The following NCOA2 variants were observed in gnomAD, a reference collection of about 807,000 sequenced individuals.
NCOA2 encodes the protein class E basic helix-loop-helix protein 75.
Under a neutral mutation model 145.1 loss-of-function variants are expected in NCOA2, and 21 were observed. The ratio of observed to expected loss-of-function variants is 0.14; its 90% confidence interval spans 0.10 to 0.21. The LOEUF is 0.21. NCOA2 is among the 10% of genes least tolerant of loss of function. The probability of loss-of-function intolerance (pLI) is 1.00; values close to 1 mark genes in which losing one functional copy is unlikely to be tolerated. For missense variants in NCOA2, 1,472 were observed against 1,837.6 expected, an observed-to-expected ratio of 0.80 and a Z score of 3.64; for synonymous variants, 619 against 637.5, an observed-to-expected ratio of 0.97 and a Z score of 0.44.
chr8:70,179,142 C>T (rs1815194194), intron 4 of NCOA2, among the ~76,000 whole-genome samples: 1 of 152,162 alleles, frequency 6.6e-6, no homozygotes, highest in African/African-American at 2.4e-5. Context: ...TCAGAGCTTA[C>T]TCTTATTCTC....
intron 4 of NCOA2, among the ~76,000 whole-genome samples, chr8:70,177,619 G>A (rs1815017859): frequency 6.6e-6 from 1 of 152,164 alleles, no homozygotes; most frequent in Admixed American, 6.5e-5. Context: ...CCTAAAAACT[G>A]GTCTTAAATA....
chr8:70,144,950 G>T, intron 12 of NCOA2, 102 bp from the exon 13 acceptor site: 1 of 1,041,154 alleles, frequency 9.6e-7, no homozygotes, highest in Non-Finnish European at 1.4e-6. Context: ...ACAAAGGTAT[G>T]TATGTCAGGG....
intron 19 of NCOA2, 111 bp downstream of exon 19, chr8:70,126,702 G>A: frequency 1.0e-6 from 1 of 953,422 alleles, no homozygotes; most frequent in Non-Finnish European, 1.6e-6. Context: ...TGGTTAGCCA[G>A]ATTCATCTGG....
chr8:70,220,485 C>T (rs73289301), intron 2 of NCOA2, among the ~76,000 whole-genome samples: 19,008 of 152,192 alleles, frequency 0.12, 1,495 homozygotes, highest in African/African-American at 0.21. Flanking sequence ...AGTGACCATA[C>T]ATCCTCCCTT....
the NCOA2 span, among the ~76,000 whole-genome samples, chr8:70,444,547 G>A: frequency 5.9e-5 from 9 of 152,120 alleles, no homozygotes; most frequent in Non-Finnish European, 8.8e-5. Flanking sequence ...AAGATTGCTG[G>A]ACTGCATCAG....
the NCOA2 span, among the ~76,000 whole-genome samples, chr8:70,423,047 T>C: frequency 6.6e-6 from 1 of 152,216 alleles, no homozygotes; most frequent in African/African-American, 2.4e-5. Context: ...TGTACTGTAA[T>C]GTATTAACCT....
At chr8:70,143,337 C>T (rs1358153325) in intron 13 of NCOA2, among the ~76,000 whole-genome samples, 1 of 152,168 alleles carries the variant, frequency 6.6e-6, no homozygotes, top group Non-Finnish European at 1.5e-5. Flanking sequence ...GATTTTAATA[C>T]AGGCCTATTC....
rs1314634173 is a variant in NCOA2 at position 70,148,482 on chromosome 8, G to A, written c.2396C>T (p.Pro799Leu). The change falls in exon 12 of 23, where the codon CCT (proline) becomes CTT (leucine). Residue 799 changes from proline (P) to leucine (L), a missense_variant and splice_region_variant. Pro to Leu is a moderately conservative substitution (Grantham distance 98). This residue lies in a region of NCOA2 where 953 missense variants were observed against 1,062.1 expected (regional missense o/e 0.90). Transcript: ENST00000452400. ...CTCCAAGTTGTCCAGCTCACTGCCA[G>A]GCTGTAGTTGACAAACAGAAGAGTT... ...EEMSFEPGDQPGSELDNLEEI... is the reference protein window; with the variant it reads ...EEMSFEPGDQLGSELDNLEEI... 1.2e-6 allele frequency: 2 copies of A among 1,612,606 alleles called. No individual in the cohort carries two copies. The highest frequency in any genetic ancestry group is 3.3e-5 in the Admixed American group (2 of 60,018).
At chr8:70,285,633 C>A (rs1337223718) in intron 2 of NCOA2, among the ~76,000 whole-genome samples, 25 of 152,228 alleles carry the variant, frequency 1.6e-4, no homozygotes, top group Admixed American at 1.6e-3. Flanking sequence ...TTTGTAATCC[C>A]ATTCACGTAA....
intron 15 of NCOA2, among the ~76,000 whole-genome samples, chr8:70,136,685 A>T (rs1809775517): frequency 6.6e-6 from 1 of 152,218 alleles, no homozygotes; most frequent in Admixed American, 6.5e-5. Context: ...CTGATGCTGG[A>T]TTCATAAAAC....
intron 15 of NCOA2, among the ~76,000 whole-genome samples, chr8:70,136,181 C>T (rs1012839723): frequency 1.3e-5 from 2 of 152,194 alleles, no homozygotes; most frequent in Admixed American, 1.3e-4. Flanking sequence ...CGAGACCAGC[C>T]TGGCCAACAC....
At chr8:70,379,057 G>T (rs890140230) in intron 1 of NCOA2, among the ~76,000 whole-genome samples, 2 of 152,178 alleles carry the variant, frequency 1.3e-5, no homozygotes, top group African/African-American at 2.4e-5. Flanking sequence ...AAGGATAAGG[G>T]TAGAAAATGT....
the NCOA2 span, among the ~76,000 whole-genome samples, chr8:70,414,905 C>T: frequency 6.6e-6 from 1 of 151,930 alleles, no homozygotes; most frequent in Non-Finnish European, 1.5e-5. Flanking sequence ...CAACCTTTGA[C>T]ATGAAGCCCA....
chr8:70,442,116 G>GAAGAAAGAAAGAAAGAAAGAAAGA, the NCOA2 span, among the ~76,000 whole-genome samples: 892 of 82,388 alleles, frequency 0.011, 15 homozygotes, highest in Admixed American at 0.025. Context: ...GAGAAAGAAA[G>GAAGAAAGAAAGAAAGAAAGAAAGA]AAGAAAGAAA....
intron 5 of NCOA2, 76 bp from the exon 6 acceptor site, chr8:70,170,455 C>A: frequency 7.9e-7 from 1 of 1,260,536 alleles, no homozygotes; most frequent in Non-Finnish European, 1.1e-6. Context: ...AGGGAATGAT[C>A]CCTTTCAAGG....
At chr8:70,180,397 C>T (rs532213785) in intron 4 of NCOA2, among the ~76,000 whole-genome samples, 46 of 152,252 alleles carry the variant, frequency 3.0e-4, no homozygotes, top group African/African-American at 1.1e-3. Context: ...TCCAGAAATC[C>T]AACACCAATT....
At chr8:70,299,856 C>T (rs2135806356) in intron 1 of NCOA2, among the ~76,000 whole-genome samples, 1 of 152,246 alleles carries the variant, frequency 6.6e-6, no homozygotes, top group South Asian at 2.1e-4. Flanking sequence ...CAGTTATTGT[C>T]CACAATAGCC....
rs1257917126 is a variant in NCOA2 at position 70,403,769 on chromosome 8, C to T, written c.-146G>A. Reference sequence around the variant, plus strand: ...CTGACCTTCGCCGCCGAAGCTGTAGCCGAGGCTGCGGCCGCCATGTTCCCG... The same window carrying T: ...CTGACCTTCGCCGCCGAAGCTGTAGTCGAGGCTGCGGCCGCCATGTTCCCG... On this transcript the variant is annotated 5_prime_UTR_variant, in exon 1 of 23. Transcript: ENST00000452400. 7.5e-6 allele frequency: 3 copies of T among 397,838 alleles called. No individual in the cohort carries two copies. Among genetic ancestry groups the T allele is most frequent in the Admixed American group, 4.4e-5 (1 of 22,688 alleles). 24.6% of individuals were successfully genotyped at this position (397,838 alleles called of 1,614,324 possible).
chr8:70,138,345 A>G lies in NCOA2; in HGVS notation c.3029-13T>C. 1 of 1,586,294 alleles carries G rather than the reference A, an allele frequency of 6.3e-7. No individual in the cohort carries two copies. Among genetic ancestry groups the G allele is most frequent in the Non-Finnish European group, 8.6e-7 (1 of 1,169,164 alleles). On this transcript the variant is annotated splice_polypyrimidine_tract_variant and intron_variant, in intron 14 of 22. Coordinates refer to ENST00000452400, the MANE Select transcript of NCOA2 (RefSeq NM_006540.4). The stretch of plus-strand genomic sequence containing the variant: ...AATTCAGATGGCCCTAGAAAGGGAG[A>G]AGAAAAAAATCTTACATCTTTAATC...
Sources: gnomAD v4.1 joint callset for allele counts (sites outside exome capture counted in the v4.1 genomes callset) on GRCh38, gnomAD v4.1.1 for gene constraint, gnomAD v4.1.1 regional missense constraint, MANE v1.5 for transcripts, NCBI Gene and HGNC (gene_info 2026-07-23, HGNC 2026-07-21) for gene names.